PLVAP: variants seen among roughly 807,000 people sequenced by gnomAD.
The protein encoded by PLVAP is plasmalemma vesicle associated protein, also known as plasmalemma vesicle-associated protein.
Under a neutral mutation model 43.1 loss-of-function variants are expected in PLVAP, and 34 were observed. The observed-to-expected ratio is 0.79, with a 90% CI of 0.60 to 1.05. The LOEUF (loss-of-function observed/expected upper bound fraction) is 1.05. Ranked by LOEUF, PLVAP falls within the 50% of genes least tolerant of loss-of-function variation. The probability of loss-of-function intolerance (pLI) is 0.00; values close to 1 mark genes in which losing one functional copy is unlikely to be tolerated. For synonymous variants in PLVAP, 241 were observed against 237.3 expected, an observed-to-expected ratio of 1.02 and a Z score of -0.14; for missense variants, 574 against 593.4, an observed-to-expected ratio of 0.97 and a Z score of 0.34.
intron 5 of PLVAP, among the ~76,000 whole-genome samples, chr19:17,359,226 C>T (rs1250654031): frequency 2.6e-5 from 4 of 151,454 alleles, no homozygotes; most frequent in African/African-American, 7.3e-5. Flanking sequence ...CCTCAGCCTC[C>T]GGAGTAGCTG....
intron 1 of PLVAP, among the ~76,000 whole-genome samples, chr19:17,373,156 G>A (rs902916253): frequency 6.8e-6 from 1 of 146,248 alleles, no homozygotes; most frequent in Non-Finnish European, 1.5e-5. Flanking sequence ...TCTAATCTGA[G>A]GATCTAAGGG....
At position 17,356,134 on chromosome 19, in the gene PLVAP, C is replaced by A. The variant is rs539259815; in HGVS notation, c.1323-3766G>T. Among the ~76,000 whole-genome samples, 17 of 152,152 alleles carry A rather than the reference C, an allele frequency of 1.1e-4. No homozygotes were observed. In the South Asian group the frequency reaches 3.5e-3, roughly 32 times the overall value. The stretch of plus-strand genomic sequence containing the variant: ...GACCAGCCTGGCTAATGTGGTGAAA[C>A]CCTGTCTCTACTAAAAAATACAAAA... On this transcript the variant is annotated intron_variant, in intron 5 of 5. Coordinates refer to ENST00000252590, the MANE Select transcript of PLVAP (RefSeq NM_031310.3).
chr19:17,355,036 A>T (rs777102854), intron 5 of PLVAP, among the ~76,000 whole-genome samples: 2 of 151,242 alleles, frequency 1.3e-5, no homozygotes, highest in Non-Finnish European at 2.9e-5. Context: ...AGCCTAGTAA[A>T]CATGGTGAAA....
At chr19:17,371,202 C>T (rs1377856701) in intron 1 of PLVAP, among the ~76,000 whole-genome samples, 3 of 151,360 alleles carry the variant, frequency 2.0e-5, no homozygotes, top group Non-Finnish European at 4.4e-5. Context: ...CGCTCTGTGG[C>T]CCAGGCTAGA....
intron 1 of PLVAP, among the ~76,000 whole-genome samples, chr19:17,376,522 G>A (rs1397456254): frequency 6.6e-6 from 1 of 152,014 alleles, no homozygotes; most frequent in African/African-American, 2.4e-5. Flanking sequence ...TATCGGCCGG[G>A]TGCAGTGGCT....
chr19:17,363,210 T>C (rs1555729577), intron 3 of PLVAP, among the ~76,000 whole-genome samples: 1 of 152,180 alleles, frequency 6.6e-6, no homozygotes, highest in Non-Finnish European at 1.5e-5. Flanking sequence ...TCACCCAGGC[T>C]AGAGTTGCAG....
At position 17,352,137 on chromosome 19, in the gene PLVAP, G is replaced by A; in HGVS notation, c.*225C>T. The A allele has an allele frequency of 1.7e-6, 1 of 597,330 alleles. No homozygotes were observed. Among genetic ancestry groups the A allele is most frequent in the Non-Finnish European group, 3.0e-6 (1 of 335,128 alleles). 37.0% of individuals were successfully genotyped at this position (597,330 alleles called of 1,614,324 possible). The stretch of plus-strand genomic sequence containing the variant: ...ATATGTGACGTCAGCGCCGTTGCTT[G>A]CGTGACGTCATCTCCGCGGCCGTGT... On this transcript the variant is annotated 3_prime_UTR_variant, in exon 6 of 6. Transcript: ENST00000252590.
rs150379358 is a variant in PLVAP, at chr19:17,355,225, AAATAATAAT to A, written c.1323-2866_1323-2858del. Among the ~76,000 whole-genome samples, 298 of 139,538 alleles carry A rather than the reference AAATAATAAT, an allele frequency of 2.1e-3. 2 individuals are homozygous for A. The highest frequency in any genetic ancestry group is 9.3e-3 in the East Asian group (46 of 4,962). The allele number at this position is 139,538 out of a possible 152,430, so 91.5% of individuals were successfully genotyped here. On this transcript the variant is annotated intron_variant, in intron 5 of 5. Coordinates refer to ENST00000252590, the MANE Select transcript of PLVAP (RefSeq NM_031310.3). Reference sequence around the variant, plus strand: ...GGTGGCAGAGTGAGACTCCATCTCAAAATAATAATAATAATAATAATAATAATAATAATA... The same window carrying A: ...GGTGGCAGAGTGAGACTCCATCTCAAAATAATAATAATAATAATAATAATA...
intron 3 of PLVAP, chr19:17,362,342 C>G (rs1030722492): frequency 6.6e-5 from 10 of 152,064 alleles, no homozygotes; most frequent in African/African-American, 2.4e-4. Flanking sequence ...CCACCTCAAC[C>G]CACTTCCACC....
At chr19:17,359,277 ATT>A (rs753495089) in intron 5 of PLVAP, among the ~76,000 whole-genome samples, 19 of 117,960 alleles carry the variant, frequency 1.6e-4, no homozygotes, top group Non-Finnish European at 1.4e-4. Context: ...TAATTTTTGT[ATT>A]TTTTTTTTTT....
chr19:17,375,843 T>C (rs2074592789), intron 1 of PLVAP, among the ~76,000 whole-genome samples: 1 of 148,916 alleles, frequency 6.7e-6, no homozygotes, highest in South Asian at 2.1e-4. Context: ...ATTGTGCCAC[T>C]GCACTTCAGC....
chr19:17,352,144 G>A lies in PLVAP; in HGVS notation c.*218C>T. 6.5e-6 allele frequency: 4 copies of A among 611,584 alleles called. No homozygotes were observed. In the South Asian group the frequency reaches 8.2e-5, roughly 13 times the overall value. 37.9% of individuals were successfully genotyped at this position (611,584 alleles called of 1,614,324 possible). On this transcript the variant is annotated 3_prime_UTR_variant, in exon 6 of 6. Coordinates refer to ENST00000252590, the MANE Select transcript of PLVAP (RefSeq NM_031310.3). Reference sequence around the variant, plus strand: ...ACGTCAGCGCCGTTGCTTGCGTGACGTCATCTCCGCGGCCGTGTGCTCTGG... The same window carrying A: ...ACGTCAGCGCCGTTGCTTGCGTGACATCATCTCCGCGGCCGTGTGCTCTGG...
At chr19:17,375,169 G>A (rs2145728324) in intron 1 of PLVAP, among the ~76,000 whole-genome samples, 1 of 152,180 alleles carries the variant, frequency 6.6e-6, no homozygotes, top group South Asian at 2.1e-4. Context: ...TGTTGCCCAG[G>A]TTGGTCTCAA....
At chr19:17,366,691 G>GC (rs933666139) in intron 1 of PLVAP, among the ~76,000 whole-genome samples, 8 of 151,246 alleles carry the variant, frequency 5.3e-5, no homozygotes, top group African/African-American at 1.9e-4. Context: ...GAGTGCAGTG[G>GC]CGCAATCTTG....
intron 1 of PLVAP, among the ~76,000 whole-genome samples, chr19:17,371,089 T>C (rs144032109): frequency 2.0e-3 from 308 of 151,524 alleles, no homozygotes; most frequent in African/African-American, 6.9e-3. Context: ...AAACATCAAA[T>C]TGTACACTTT....
rs778947292 is a variant in PLVAP at position 17,377,151 on chromosome 19, G to A, written c.138C>T (p.Phe46=). 1 of 1,614,136 alleles carries A rather than the reference G, an allele frequency of 6.2e-7. No individual in the cohort carries two copies. Among genetic ancestry groups the A allele is most frequent in the Non-Finnish European group, 8.5e-7 (1 of 1,180,016 alleles). The part of the protein sequence containing the change: ...QFLIILGLVL[F]MVYGNVHVST... The stretch of plus-strand genomic sequence containing the variant: ...TCACGTGCACGTTGCCATAGACCAT[G>A]AAGAGCACGAGCCCCAGGATGATGA... Residue 46 remains phenylalanine, a synonymous_variant, in exon 1 of 6, where the codon TTC becomes TTT. Transcript: ENST00000252590.
chr19:17,370,001 TAAAAAAAAAA>T (rs763532839), intron 1 of PLVAP, among the ~76,000 whole-genome samples: 1 of 88,776 alleles, frequency 1.1e-5, no homozygotes, highest in Non-Finnish European at 2.2e-5. Flanking sequence ...AGAGTCTGTC[TAAAAAAAAAA>T]AAAAAAAAAA....
Position 17,360,510 on chromosome 19 carries a change from G to A in PLVAP, c.1322+18C>T, listed in dbSNP as rs1214292001. On this transcript the variant is annotated intron_variant, in intron 5 of 5. Coordinates refer to ENST00000252590, the MANE Select transcript of PLVAP (RefSeq NM_031310.3). The stretch of plus-strand genomic sequence containing the variant: ...ACAGTTCTAAGACTGAACAACTGCA[G>A]TCTGCCCAGTGCCTTACCTGGATGG... 1 of 1,610,474 alleles carries A rather than the reference G, an allele frequency of 6.2e-7. No individual in the cohort carries two copies.
chr19:17,376,989 C>G lies in PLVAP; in HGVS notation c.300G>C (p.Gln100His). The G allele has an allele frequency of 1.2e-6, 2 of 1,614,134 alleles. No individual in the cohort carries two copies. The highest frequency in any genetic ancestry group is 1.7e-6 in the Non-Finnish European group (2 of 1,180,042). ...FTTRAKDAIM[Q>H]MWLNARRDLD... ...GGTCGCGGCGAGCATTCAGCCACATCTGCATGATGGCATCCTTGGCGCGGG... is the reference window on the plus strand; with the variant it reads ...GGTCGCGGCGAGCATTCAGCCACATGTGCATGATGGCATCCTTGGCGCGGG... Residue 100 changes from glutamine (Q) to histidine (H), a missense_variant, in exon 1 of 6, where the codon CAG (glutamine) becomes CAC (histidine). Coordinates refer to ENST00000252590, the MANE Select transcript of PLVAP (RefSeq NM_031310.3).
Sources: gnomAD v4.1 joint callset for allele counts (sites outside exome capture counted in the v4.1 genomes callset) on GRCh38, gnomAD v4.1.1 for gene constraint, MANE v1.5 for transcripts, NCBI Gene and HGNC (gene_info 2026-07-23, HGNC 2026-07-21) for gene names.